Variants in BTBD7 observed in about 807,000 individuals in gnomAD.
The protein encoded by BTBD7 is BTB/POZ domain-containing protein 7.
In BTBD7, 38 loss-of-function variants were observed where a neutral mutation model predicts 99.9. That is an observed-to-expected ratio of 0.38 (90% CI 0.29 to 0.50). BTBD7 has a LOEUF of 0.50. Among genes scored for constraint, BTBD7 ranks in the 20% least tolerant of loss-of-function variants. The pLI, the probability that BTBD7 is intolerant of heterozygous loss-of-function variation, is 0.93. For missense variants in BTBD7, 1,170 were observed against 1,394.6 expected (o/e 0.84, Z 2.57); for synonymous variants, 520 against 511.4 (o/e 1.02, Z -0.23).
Position 93,245,122 on chromosome 14 carries a change from A to G in BTBD7, c.2583+703T>C, listed in dbSNP as rs575429842. On this transcript the variant is annotated intron_variant, in intron 10 of 10. Transcript: ENST00000334746. ...AGTGATCCTCCCACTTCAGCCTCCT[A>G]AAGTGTTGGGATTACAGGTGTGAGT... Among the ~76,000 whole-genome samples the G allele has an allele frequency of 2.0e-5, 3 of 151,132 alleles. No individual in the cohort carries two copies. In the East Asian group the frequency reaches 5.8e-4, roughly 29 times the overall value.
chr14:93,302,057 G>C (rs911004440), intron 1 of BTBD7, among the ~76,000 whole-genome samples: 1 of 152,164 alleles, frequency 6.6e-6, no homozygotes, highest in Non-Finnish European at 1.5e-5. Context: ...GGTTGTGATG[G>C]TTATCTTGAG....
chr14:93,331,973 AC>A (rs1409989765), intron 1 of BTBD7, among the ~76,000 whole-genome samples: 1 of 151,354 alleles, frequency 6.6e-6, no homozygotes, highest in Non-Finnish European at 1.5e-5. Context: ...CGCAGAGTTA[AC>A]AGTGCTCTGG....
Position 93,332,827 on chromosome 14 carries a change from G to A in BTBD7, c.-114C>T. On this transcript the variant is annotated 5_prime_UTR_variant, in exon 1 of 11. Transcript: ENST00000334746. ...ACACCAAGGGACACTCACCCCGGAG[G>A]CTCCTCCCGCCGCTGCTGCTGCCGC... 2 of 1,476,894 alleles carry A rather than the reference G, an allele frequency of 1.4e-6. No individual in the cohort carries two copies. Among genetic ancestry groups the A allele is most frequent in the South Asian group, 1.3e-5 (1 of 78,680 alleles). 91.5% of individuals were successfully genotyped at this position (1,476,894 alleles called of 1,614,324 possible). A position where few individuals can be genotyped will look rare whatever the true frequency, so the allele number is the denominator to read the frequency against.
rs962734881 is a variant in BTBD7, at chr14:93,309,506, C to A, written c.-106-13349G>T. 2.0e-5 allele frequency among the ~76,000 whole-genome samples: 3 copies of A among 151,200 alleles called. No individual in the cohort carries two copies. The Admixed American group carries it at 2.0e-4, about 10-fold the overall frequency. ...GTGTCTTATCCCCCCAACCTCCACA[C>A]CCCTGCTAAACAAGAAAGCGTCTCA... On this transcript the variant is annotated intron_variant, in intron 1 of 10. Coordinates refer to ENST00000334746, the MANE Select transcript of BTBD7 (RefSeq NM_001002860.4).
In BTBD7 at chr14:93,304,410, G is replaced by A. The variant is rs868652111; in HGVS notation, c.-106-8253C>T. 8.5e-5 allele frequency among the ~76,000 whole-genome samples: 13 copies of A among 152,288 alleles called. 1 individual carries two copies. Among genetic ancestry groups the A allele is most frequent in the African/African-American group, 2.9e-4 (12 of 41,554 alleles). On this transcript the variant is annotated intron_variant, in intron 1 of 10. Transcript: ENST00000334746. ...GCTGTCGCCCAGGCTGGAGTGCAGT[G>A]GCGCAATCTTGGCTCACTGCAACCT...
chr14:93,315,003 A>G (rs2053182111), intron 1 of BTBD7, among the ~76,000 whole-genome samples: 1 of 152,152 alleles, frequency 6.6e-6, no homozygotes. Context: ...GCCTTTTAAA[A>G]CTATGATAGC....
chr14:93,253,782 T>C lies in BTBD7; in HGVS notation c.1617A>G (p.Arg539=). 6.4e-7 allele frequency: 1 copy of C among 1,566,944 alleles called. No individual in the cohort carries two copies. Among genetic ancestry groups the C allele is most frequent in the Non-Finnish European group, 8.7e-7 (1 of 1,154,514 alleles). The change falls in exon 7 of 11, where the codon AGA becomes AGG. Residue 539 remains arginine, a synonymous_variant. Transcript: ENST00000334746. ...NSEVLSDAMK[R]GLISTPPSDM... ...CTGATGGAGGAGTACTAATCAAGCC[T>C]CTTTTCATCTAAAAAAAAATTTTTT...
At chr14:93,331,460 A>G (rs576399975) in intron 1 of BTBD7, among the ~76,000 whole-genome samples, 1 of 152,388 alleles carries the variant, frequency 6.6e-6, no homozygotes, top group African/African-American at 2.4e-5. Context: ...GACAAGTCTA[A>G]TAACAGTTGC....
intron 1 of BTBD7, among the ~76,000 whole-genome samples, chr14:93,330,380 C>T (rs1211314526): frequency 1.3e-5 from 2 of 152,142 alleles, no homozygotes; most frequent in South Asian, 2.1e-4. Context: ...CTTGCTTTTT[C>T]CTCACAAAGT....
At chr14:93,300,934 A>C (rs1271710647) in intron 1 of BTBD7, among the ~76,000 whole-genome samples, 1 of 151,926 alleles carries the variant, frequency 6.6e-6, no homozygotes, top group Non-Finnish European at 1.5e-5. Flanking sequence ...TTCCATACTA[A>C]ATGTTAATCT....
chr14:93,325,697 A>G (rs1051200036), intron 1 of BTBD7, among the ~76,000 whole-genome samples: 2 of 152,104 alleles, frequency 1.3e-5, no homozygotes, highest in Non-Finnish European at 2.9e-5. Flanking sequence ...TAAAACTATA[A>G]ACATCAGTCA....
At chr14:93,245,188 T>C (rs1394972085) in intron 10 of BTBD7, among the ~76,000 whole-genome samples, 1 of 151,578 alleles carries the variant, frequency 6.6e-6, no homozygotes, top group African/African-American at 2.4e-5. Context: ...CTTTTTAAAG[T>C]ATATTATACA....
chr14:93,332,293 T>C (rs2053443183), intron 1 of BTBD7: 1 of 152,268 alleles, frequency 6.6e-6, no homozygotes, highest in South Asian at 2.1e-4. Flanking sequence ...TATCCCGCAA[T>C]AGTAACTTAC....
chr14:93,317,404 C>T (rs1204774529), intron 1 of BTBD7, among the ~76,000 whole-genome samples: 1 of 151,368 alleles, frequency 6.6e-6, no homozygotes, highest in Non-Finnish European at 1.5e-5. Flanking sequence ...GGTATGTCGC[C>T]CAGGCTGGAG....
chr14:93,265,042 T>G (rs956167089), intron 3 of BTBD7, among the ~76,000 whole-genome samples: 2 of 152,114 alleles, frequency 1.3e-5, no homozygotes, highest in Non-Finnish European at 2.9e-5. Flanking sequence ...TGAGCTGAAA[T>G]TATGTCTGAA....
In BTBD7 at chr14:93,263,771, G is replaced by A. The variant is rs1177508057; in HGVS notation, c.1371+14C>T. ...ATATGAATGACAGAGTTTGAGAGGTGTTTAAATGATTACCTGTAGGTAGTC... is the reference window on the plus strand; with the variant it reads ...ATATGAATGACAGAGTTTGAGAGGTATTTAAATGATTACCTGTAGGTAGTC... On this transcript the variant is annotated intron_variant, in intron 4 of 10. Transcript: ENST00000334746. 3.1e-6 allele frequency: 5 copies of A among 1,605,988 alleles called. No individual in the cohort carries two copies. Among genetic ancestry groups the A allele is most frequent in the Non-Finnish European group, 4.3e-6 (5 of 1,172,670 alleles).
At chr14:93,262,782 G>GTT (rs11288675) in intron 4 of BTBD7, among the ~76,000 whole-genome samples, 45 of 139,670 alleles carry the variant, frequency 3.2e-4, no homozygotes, top group African/African-American at 9.9e-4. Flanking sequence ...GCTGCTCTCT[G>GTT]TTTTTTTTTT....
At chr14:93,306,190 T>C (rs904217403) in intron 1 of BTBD7, among the ~76,000 whole-genome samples, 3 of 152,200 alleles carry the variant, frequency 2.0e-5, no homozygotes, top group Non-Finnish European at 2.9e-5. Flanking sequence ...AAGGAAACGA[T>C]GACTGAGGTT....
chr14:93,295,824 T>G lies in BTBD7; in HGVS notation c.82+146A>C, dbSNP rs2052918939. 8.5e-6 allele frequency: 6 copies of G among 705,354 alleles called. No homozygotes were observed. In the South Asian group the frequency reaches 1.3e-4, roughly 15 times the overall value. 43.7% of individuals were successfully genotyped at this position (705,354 alleles called of 1,614,324 possible). A position where few individuals can be genotyped will look rare whatever the true frequency, so the allele number is the denominator to read the frequency against. On this transcript the variant is annotated intron_variant, in intron 2 of 10. Transcript: ENST00000334746. Reference sequence around the variant, plus strand: ...AAACCATACAAACCAGACTTAAGATTTACGTTTGTTGGGGGAAAAAACCTA... The same window carrying G: ...AAACCATACAAACCAGACTTAAGATGTACGTTTGTTGGGGGAAAAAACCTA...
Sources: gnomAD v4.1 joint callset for allele counts (sites outside exome capture counted in the v4.1 genomes callset) on GRCh38, gnomAD v4.1.1 for gene constraint, MANE v1.5 for transcripts, NCBI Gene and HGNC (gene_info 2026-07-23, HGNC 2026-07-21) for gene names.